Variants in CCSER1 observed in about 807,000 individuals in gnomAD.
The protein encoded by CCSER1 is serine-rich coiled-coil domain-containing protein 1.
A neutral mutation model predicts 82.0 loss-of-function variants in CCSER1; 41 were observed. The ratio of observed to expected loss-of-function variants is 0.50; its 90% CI spans 0.39 to 0.65. The LOEUF is 0.65. Ranked by LOEUF, CCSER1 falls within the 30% of genes least tolerant of loss-of-function variation. The probability of loss-of-function intolerance (pLI) is 0.00; values close to 1 mark genes in which losing one functional copy is unlikely to be tolerated. For synonymous variants in CCSER1, 414 were observed against 383.9 expected, an observed-to-expected ratio of 1.08 and a Z score of -0.92; for missense variants, 1,119 against 1,064.2, an observed-to-expected ratio of 1.05 and a Z score of -0.72.
intron 7 of CCSER1, among the ~76,000 whole-genome samples, chr4:90,787,331 A>G (rs372051696): frequency 5.9e-5 from 9 of 152,194 alleles, no homozygotes; most frequent in African/African-American, 2.2e-4. Context: ...CATTATAACA[A>G]AAGACTGTAG....
intron 10 of CCSER1, among the ~76,000 whole-genome samples, chr4:91,571,632 A>G (rs72886312): frequency 0.11 from 17,249 of 152,210 alleles, 1,101 homozygotes; most frequent in Middle Eastern, 0.2. Flanking sequence ...AACTGCCCCT[A>G]TGATTCAGTT....
At chr4:91,243,568 T>C (rs1176066925) in intron 10 of CCSER1, among the ~76,000 whole-genome samples, 1 of 152,198 alleles carries the variant, frequency 6.6e-6, no homozygotes, top group Non-Finnish European at 1.5e-5. Context: ...ATGTGTTAGA[T>C]ACCAGCTCAG....
intron 8 of CCSER1, among the ~76,000 whole-genome samples, chr4:90,854,768 T>C (rs943053130): frequency 6.6e-6 from 1 of 152,128 alleles, no homozygotes; most frequent in African/African-American, 2.4e-5. Flanking sequence ...ATTATAAGAT[T>C]GCTCCTATGA....
chr4:91,119,683 A>C (rs1161459478), intron 10 of CCSER1, among the ~76,000 whole-genome samples: 1 of 152,006 alleles, frequency 6.6e-6, no homozygotes, highest in Non-Finnish European at 1.5e-5. Flanking sequence ...TATGTATATA[A>C]GTATATAGGG....
chr4:90,156,498 T>G (rs993104693), intron 1 of CCSER1, among the ~76,000 whole-genome samples: 5 of 152,094 alleles, frequency 3.3e-5, no homozygotes, highest in South Asian at 2.1e-4. Context: ...TTATTAATGT[T>G]TGGGAGTCTA....
At chr4:91,489,241 A>C (rs1758380957) in intron 10 of CCSER1, among the ~76,000 whole-genome samples, 1 of 152,174 alleles carries the variant, frequency 6.6e-6, no homozygotes, top group Non-Finnish European at 1.5e-5. Flanking sequence ...ATTGGGGTAG[A>C]ATATGAGGTC....
intron 3 of CCSER1, among the ~76,000 whole-genome samples, chr4:90,358,293 T>C (rs1744707126): frequency 6.6e-6 from 1 of 152,096 alleles, no homozygotes; most frequent in Admixed American, 6.5e-5. Flanking sequence ...ACACATTCCA[T>C]GTAGTCAAAG....
intron 10 of CCSER1, among the ~76,000 whole-genome samples, chr4:91,172,961 C>T (rs1185804731): frequency 6.6e-6 from 1 of 152,122 alleles, no homozygotes; most frequent in African/African-American, 2.4e-5. Context: ...CCAGAATGCA[C>T]TTTGCATGTC....
chr4:91,534,437 A>C (rs1396342345), intron 10 of CCSER1, among the ~76,000 whole-genome samples: 1 of 152,034 alleles, frequency 6.6e-6, no homozygotes, highest in Admixed American at 6.6e-5. Context: ...TCAATGAGAA[A>C]CCACACTATG....
intron 5 of CCSER1, among the ~76,000 whole-genome samples, chr4:90,474,429 T>C (rs993869638): frequency 5.3e-5 from 8 of 152,188 alleles, no homozygotes; most frequent in African/African-American, 1.7e-4. Context: ...CATGGTTAGA[T>C]TTGCCTTTTG....
At chr4:90,742,963 C>CT (rs938367874) in intron 7 of CCSER1, among the ~76,000 whole-genome samples, 12 of 151,952 alleles carry the variant, frequency 7.9e-5, no homozygotes, top group Non-Finnish European at 1.2e-4. Context: ...TAAATTTAGC[C>CT]TTTTTTTCAC....
At chr4:91,201,242 C>T (rs1462794952) in intron 10 of CCSER1, among the ~76,000 whole-genome samples, 1 of 152,002 alleles carries the variant, frequency 6.6e-6, no homozygotes, top group Non-Finnish European at 1.5e-5. Flanking sequence ...TTTAATAGTA[C>T]TGGAGCTGGC....
chr4:91,497,109 G>T (rs1273621529), intron 10 of CCSER1, among the ~76,000 whole-genome samples: 1 of 151,128 alleles, frequency 6.6e-6, no homozygotes, highest in Non-Finnish European at 1.5e-5. Flanking sequence ...AAGTTAAGTT[G>T]CCTGGGCTTA....
At chr4:90,461,062 T>TTTC (rs1762844140) in intron 4 of CCSER1, among the ~76,000 whole-genome samples, 1 of 98,952 alleles carries the variant, frequency 1.0e-5, no homozygotes, top group African/African-American at 5.9e-5. Context: ...TATTTTTTTT[T>TTTC]TTTTTTTTTT....
At chr4:90,846,519 C>G (rs1359966771) in intron 8 of CCSER1, among the ~76,000 whole-genome samples, 3 of 152,240 alleles carry the variant, frequency 2.0e-5, no homozygotes, top group South Asian at 4.1e-4. Context: ...ATGATCAAAT[C>G]AAGGCATTTT....
intron 8 of CCSER1, among the ~76,000 whole-genome samples, chr4:90,829,494 A>C (rs1319197906): frequency 1.3e-5 from 2 of 152,166 alleles, no homozygotes; most frequent in Admixed American, 6.6e-5. Flanking sequence ...AAGTATTGTT[A>C]GTGGTGGTAG....
At chr4:90,626,850 A>G (rs906546077) in intron 5 of CCSER1, among the ~76,000 whole-genome samples, 1 of 152,210 alleles carries the variant, frequency 6.6e-6, no homozygotes, top group East Asian at 1.9e-4. Flanking sequence ...AACTATATAA[A>G]TATTAGCTAT....
intron 10 of CCSER1, among the ~76,000 whole-genome samples, chr4:91,206,149 G>A (rs932457916): frequency 6.6e-6 from 1 of 151,824 alleles, no homozygotes; most frequent in Non-Finnish European, 1.5e-5. Context: ...TGAAGAGAGA[G>A]CATTGTCCAT....
At chr4:91,574,715 T>C (rs1763355495) in intron 10 of CCSER1, among the ~76,000 whole-genome samples, 2 of 151,782 alleles carry the variant, frequency 1.3e-5, no homozygotes, top group Non-Finnish European at 2.9e-5. Flanking sequence ...ATGACAACAA[T>C]AGACATTAGG....
Sources: gnomAD v4.1 joint callset for allele counts (sites outside exome capture counted in the v4.1 genomes callset) on GRCh38, gnomAD v4.1.1 for gene constraint, MANE v1.5 for transcripts, NCBI Gene and HGNC (gene_info 2026-07-23, HGNC 2026-07-21) for gene names.